Variants in OLFM3 observed in about 807,000 individuals in gnomAD.
OLFM3 encodes olfactomedin 3.
In OLFM3, 20 loss-of-function variants were observed where a neutral mutation model predicts 48.6. That is an observed-to-expected ratio of 0.41 (90% confidence interval 0.29 to 0.60). The LOEUF is 0.60. Ranked by LOEUF, OLFM3 falls within the 20% of genes least tolerant of loss-of-function variation. The pLI, the probability that OLFM3 is intolerant of heterozygous loss-of-function variation, is 0.28. For missense variants in OLFM3, 437 were observed against 544.3 expected (o/e 0.80, Z 1.96); for synonymous variants, 222 against 198.1 (o/e 1.12, Z -1.01).
intron 1 of OLFM3, among the ~76,000 whole-genome samples, chr1:101,962,057 G>A (rs1286759817): frequency 6.6e-6 from 1 of 152,062 alleles, no homozygotes; most frequent in Non-Finnish European, 1.5e-5. Context: ...ATTTCCGCTT[G>A]CCGTGTAATA....
intron 3 of OLFM3, 60 bp from the exon 4 acceptor site, chr1:101,825,305 C>G: frequency 1.3e-5 from 16 of 1,275,454 alleles, no homozygotes; most frequent in Non-Finnish European, 1.8e-5. Flanking sequence ...CTGCTCTGTT[C>G]TTTTTATTAT....
chr1:101,815,402 G>A (rs936633055), intron 4 of OLFM3, among the ~76,000 whole-genome samples: 2 of 150,522 alleles, frequency 1.3e-5, no homozygotes, highest in African/African-American at 4.9e-5. Flanking sequence ...AGCCGAGATC[G>A]CGCCACTGCA....
chr1:101,882,378 A>T (rs2100992276), intron 1 of OLFM3: 1 of 148,908 alleles, frequency 6.7e-6, no homozygotes, highest in East Asian at 2.0e-4. Context: ...GCCAGTTCTG[A>T]TATTGTTATA....
At chr1:101,815,542 G>A (rs1381974981) in intron 4 of OLFM3, among the ~76,000 whole-genome samples, 1 of 151,970 alleles carries the variant, frequency 6.6e-6, no homozygotes, top group African/African-American at 2.4e-5. Flanking sequence ...TGGACTTGGG[G>A]TATGTTTTTA....
chr1:101,959,793 C>G (rs569710593), intron 1 of OLFM3, among the ~76,000 whole-genome samples: 334 of 152,260 alleles, frequency 2.2e-3, no homozygotes, highest in Non-Finnish European at 3.5e-3. Context: ...CATGACTTAA[C>G]TGCAGGTTGC....
intron 1 of OLFM3, among the ~76,000 whole-genome samples, chr1:101,976,854 T>C (rs551701340): frequency 2.0e-5 from 3 of 152,302 alleles, no homozygotes; most frequent in East Asian, 3.9e-4. Context: ...ACTCTAAGAA[T>C]CTCAAAATTC....
At chr1:101,923,827 T>C (rs1016554851) in intron 1 of OLFM3, among the ~76,000 whole-genome samples, 21 of 152,178 alleles carry the variant, frequency 1.4e-4, no homozygotes, top group African/African-American at 5.1e-4. Flanking sequence ...TGTGTTTTTT[T>C]CTAAAATATT....
In OLFM3 at chr1:101,825,123, A is replaced by C. The variant is rs1570525039; in HGVS notation, c.495T>G (p.Thr165=). 6.2e-7 allele frequency: 1 copy of C among 1,613,768 alleles called. No individual in the cohort carries two copies. Among genetic ancestry groups the C allele is most frequent in the Non-Finnish European group, 8.5e-7 (1 of 1,179,684 alleles). Residue 165 remains threonine, a synonymous_variant, in exon 4 of 6, where the codon ACT becomes ACG. Transcript: ENST00000370103. ...EEIRNLSAVL[T]GIQEEIGAYD... is the part of the protein sequence containing the mutation. Reference sequence around the variant, plus strand: ...AGGCACCAATTTCCTCCTGAATACCAGTGAGGACAGCAGACAGATTCCTTA... The same window carrying C: ...AGGCACCAATTTCCTCCTGAATACCCGTGAGGACAGCAGACAGATTCCTTA...
intron 1 of OLFM3, among the ~76,000 whole-genome samples, chr1:101,875,513 C>CT (rs1286657868): frequency 3.3e-5 from 5 of 151,826 alleles, no homozygotes; most frequent in African/African-American, 1.2e-4. Flanking sequence ...ACTTTCCGCT[C>CT]TTTTTTTGTA....
At chr1:101,846,427 A>C (rs989397832) in intron 1 of OLFM3, among the ~76,000 whole-genome samples, 4 of 152,292 alleles carry the variant, frequency 2.6e-5, no homozygotes, top group Admixed American at 1.3e-4. Context: ...TCCAAGGAAG[A>C]ATCTGCTGTA....
chr1:101,910,519 A>C lies in OLFM3; in HGVS notation c.70-73494T>G, dbSNP rs958075615. On this transcript the variant is annotated intron_variant, in intron 1 of 5. Coordinates refer to ENST00000370103, the MANE Select transcript of OLFM3 (RefSeq NM_058170.4). ...AAAAAAGTACATTCTAAATAGACTA[A>C]AGAGTATAAATTCAGACTTCTGTCC... Among the ~76,000 whole-genome samples the C allele has an allele frequency of 2.0e-5, 3 of 148,406 alleles. No homozygotes were observed. The South Asian group carries it at 6.4e-4, about 32-fold the overall frequency.
At chr1:101,958,731 C>A (rs769021361) in intron 1 of OLFM3, among the ~76,000 whole-genome samples, 1 of 151,344 alleles carries the variant, frequency 6.6e-6, no homozygotes, top group South Asian at 2.1e-4. Flanking sequence ...TTTTTCCTCT[C>A]AAATAGAGTG....
intron 1 of OLFM3, chr1:101,859,948 A>G (rs1043449662): frequency 7.2e-5 from 11 of 152,066 alleles, no homozygotes; most frequent in Admixed American, 3.3e-4. Flanking sequence ...CTGAGATTTT[A>G]TATTTTTAAC....
chr1:101,843,554 A>G (rs1222708603), intron 1 of OLFM3, among the ~76,000 whole-genome samples: 4 of 152,234 alleles, frequency 2.6e-5, no homozygotes, highest in Non-Finnish European at 5.9e-5. Context: ...AGGGCCAACA[A>G]GAAGGATAAA....
At chr1:101,873,430 A>G (rs1657169852) in intron 1 of OLFM3, among the ~76,000 whole-genome samples, 1 of 151,896 alleles carries the variant, frequency 6.6e-6, no homozygotes, top group Non-Finnish European at 1.5e-5. Context: ...AAGCTTTTAT[A>G]TTAAAAATAG....
At chr1:101,923,793 G>C (rs373256477) in intron 1 of OLFM3, among the ~76,000 whole-genome samples, 3 of 151,996 alleles carry the variant, frequency 2.0e-5, no homozygotes, top group African/African-American at 7.2e-5. Context: ...CAGTTACAGT[G>C]GTTTCCCTTC....
chr1:101,832,385 A>T (rs1194182316), intron 2 of OLFM3, among the ~76,000 whole-genome samples: 2 of 152,224 alleles, frequency 1.3e-5, no homozygotes, highest in East Asian at 1.9e-4. Flanking sequence ...TAGAACTATA[A>T]TATTGGAAAA....
Position 101,895,502 on chromosome 1 carries a change from AT to A in OLFM3, c.70-58478del, listed in dbSNP as rs576839592. 3.2e-3 allele frequency among the ~76,000 whole-genome samples: 486 copies of A among 151,872 alleles called. 4 individuals carry two copies. Among genetic ancestry groups the A allele is most frequent in the African/African-American group, 0.011 (456 of 41,406 alleles). On this transcript the variant is annotated intron_variant, in intron 1 of 5. Transcript: ENST00000370103. Reference sequence around the variant, plus strand: ...ACCTAAATTCCATGCTTCATTAATCATTTTCCATGAATTTTATATTAATCCT... The same window carrying A: ...ACCTAAATTCCATGCTTCATTAATCATTTCCATGAATTTTATATTAATCCT...
chr1:101,827,562 A>T (rs1261004518), intron 3 of OLFM3, among the ~76,000 whole-genome samples: 3 of 152,152 alleles, frequency 2.0e-5, no homozygotes, highest in Non-Finnish European at 2.9e-5. Context: ...TTACTTTGGA[A>T]CGTTCCATTT....
Sources: gnomAD v4.1 joint callset for allele counts (sites outside exome capture counted in the v4.1 genomes callset) on GRCh38, gnomAD v4.1.1 for gene constraint, MANE v1.5 for transcripts, NCBI Gene and HGNC (gene_info 2026-07-23, HGNC 2026-07-21) for gene names.